Variants in PARP10 observed in about 807,000 individuals in gnomAD.
PARP10 encodes protein mono-ADP-ribosyltransferase PARP10.
Under a neutral mutation model 82.4 loss-of-function variants are expected in PARP10, and 56 were observed. The ratio of observed to expected loss-of-function variants is 0.68; its 90% CI spans 0.55 to 0.85. PARP10 has a LOEUF of 0.85. Ranked by LOEUF, PARP10 falls within the 40% of genes least tolerant of loss-of-function variation. The probability of loss-of-function intolerance (pLI) is 0.00; values close to 1 mark genes in which losing one functional copy is unlikely to be tolerated. For synonymous variants in PARP10, 576 were observed against 601.1 expected, an observed-to-expected ratio of 0.96 and a Z score of 0.61; for missense variants, 1,227 against 1,379.4, an observed-to-expected ratio of 0.89 and a Z score of 1.75.
rs73715599 is a variant in PARP10, at chr8:143,986,240, C to A, written c.3-7G>T. 9.0e-5 allele frequency: 145 copies of A among 1,613,818 alleles called. No individual in the cohort carries two copies. Among genetic ancestry groups the A allele is most frequent in the Non-Finnish European group, 5.0e-5 (59 of 1,179,868 alleles). On this transcript the variant is annotated splice_region_variant and splice_polypyrimidine_tract_variant and intron_variant, in intron 1 of 10. Transcript: ENST00000313028. ...TGCCTCCGCCATTGCAACCCTGGGA[C>A]GGGGCATCAGGTGGGTAGGGAAACA...
chr8:143,991,014 C>T (rs1587466546), upstream of PARP10: 1 of 415,566 alleles, frequency 2.4e-6, no homozygotes, highest in Non-Finnish European at 4.3e-6. Context: ...CCCCACGGCG[C>T]CGCCCGTCCG....
chr8:143,991,634 C>T (rs782588474), upstream of PARP10: 20 of 1,557,384 alleles, frequency 1.3e-5, no homozygotes, highest in South Asian at 4.4e-5. Context: ...GTGGGGTGGC[C>T]GGGAGGGCAG....
chr8:144,004,693 A>T (rs782378706), intron 1 of PARP10, among the ~76,000 whole-genome samples: 1 of 152,106 alleles, frequency 6.6e-6, no homozygotes, highest in Non-Finnish European at 1.5e-5. Flanking sequence ...GGTTGGGGAG[A>T]GGACCAACTC....
intron 6 of PARP10, 46 bp downstream of exon 6, chr8:143,984,164 C>T (rs782749524): frequency 1.3e-6 from 2 of 1,579,810 alleles, no homozygotes; most frequent in Admixed American, 3.4e-5. Context: ...AGGCCTGGGG[C>T]AGAGGCGTGA....
upstream of PARP10, chr8:143,991,965 C>T (rs782307601): frequency 3.1e-6 from 5 of 1,613,664 alleles, no homozygotes; most frequent in South Asian, 2.2e-5. Flanking sequence ...GGGCTTTGTC[C>T]GGGAGAATGT....
At chr8:144,005,979 G>A (rs1217718664) in intron 1 of PARP10, among the ~76,000 whole-genome samples, 3 of 152,152 alleles carry the variant, frequency 2.0e-5, no homozygotes, top group Admixed American at 2.0e-4. Context: ...TGTTCTCCCC[G>A]CACTGGTAAG....
rs782543074 is a variant in PARP10, at chr8:143,977,828, T to C, written c.2734A>G (p.Thr912Ala). The C allele has an allele frequency of 1.3e-6, 2 of 1,598,576 alleles. No homozygotes were observed. Among genetic ancestry groups the C allele is most frequent in the Non-Finnish European group, 8.5e-7 (1 of 1,172,850 alleles). The change falls in exon 11 of 11, where the codon ACG becomes GCG. Residue 912 changes from threonine (T) to alanine (A), a missense_variant and splice_region_variant. Coordinates refer to ENST00000313028, the MANE Select transcript of PARP10 (RefSeq NM_032789.5). Reference protein sequence around the residue: ...FNRSFCGRNATVYGKGVYFAR... With the variant: ...FNRSFCGRNAAVYGKGVYFAR... ...AAATACACGCCCTTCCCGTAGACCGTGGCTGCAGGGCGAGACGGGGCAAGG... is the reference window on the plus strand; with the variant it reads ...AAATACACGCCCTTCCCGTAGACCGCGGCTGCAGGGCGAGACGGGGCAAGG...
At position 143,984,922 on chromosome 8, in the gene PARP10, C is replaced by A. The variant is rs904010008; in HGVS notation, c.1080G>T (p.Glu360Asp). Reference sequence around the variant, plus strand: ...CCACAGGCCTCAGGCTTACCAGCCCCTCATGTTCCAGAGACCCCATGGGCA... The same window carrying A: ...CCACAGGCCTCAGGCTTACCAGCCCATCATGTTCCAGAGACCCCATGGGCA... Reference protein sequence around the residue: ...SSMPMGSLEHEGLVSLRPVGL... With the variant: ...SSMPMGSLEHDGLVSLRPVGL... Residue 360 changes from glutamate to aspartate, a missense_variant, in exon 5 of 11, where the codon GAG becomes GAT. Glu to Asp is a conservative substitution (Grantham distance 45). Coordinates refer to ENST00000313028, the MANE Select transcript of PARP10 (RefSeq NM_032789.5). 1 of 1,614,030 alleles carries A rather than the reference C, an allele frequency of 6.2e-7. No homozygotes were observed. Among genetic ancestry groups the A allele is most frequent in the Non-Finnish European group, 8.5e-7 (1 of 1,180,028 alleles).
chr8:144,001,890 G>C, intron 1 of PARP10, among the ~76,000 whole-genome samples: 1 of 151,716 alleles, frequency 6.6e-6, no homozygotes, highest in Admixed American at 6.6e-5. Context: ...GTGTGTGTGT[G>C]TGTGTGTGTG....
chr8:143,985,925 G>C lies in PARP10; in HGVS notation c.232C>G (p.Leu78Val). ...CGTGGTGGAGCTGGCCGCAGGCTCA[G>C]CTGGGCACCATGTAGTTCGTGATCT... ...QADHELHGAQ[L>V]SLRPAPPRAP... Residue 78 changes from leucine (L) to valine (V), a missense_variant, in exon 3 of 11, where the codon CTG (leucine) becomes GTG (valine). Coordinates refer to ENST00000313028, the MANE Select transcript of PARP10 (RefSeq NM_032789.5). 1 of 1,580,422 alleles carries C rather than the reference G, an allele frequency of 6.3e-7. No homozygotes were observed. The highest frequency in any genetic ancestry group is 1.1e-5 in the South Asian group (1 of 87,490).
At chr8:143,988,433 A>G (rs1834038289), upstream of PARP10, among the ~76,000 whole-genome samples, 1 of 146,762 alleles carries the variant, frequency 6.8e-6, no homozygotes, top group African/African-American at 2.5e-5. Context: ...TACTGGTGCC[A>G]GCCACCATAC....
intron 5 of PARP10, 25 bp from the exon 6 acceptor site, chr8:143,984,456 G>A: frequency 6.3e-7 from 1 of 1,598,790 alleles, no homozygotes; most frequent in South Asian, 1.1e-5. Context: ...CAGAGATGGA[G>A]TTTGCAGGTT....
chr8:143,985,039 T>C lies in PARP10; in HGVS notation c.963A>G (p.Thr321=). 1.2e-6 allele frequency: 2 copies of C among 1,613,868 alleles called. No individual in the cohort carries two copies. The highest frequency in any genetic ancestry group is 2.2e-5 in the South Asian group (2 of 91,082). Residue 321 remains threonine (T), a synonymous_variant, in exon 5 of 11, where the codon ACA becomes ACG. Coordinates refer to ENST00000313028, the MANE Select transcript of PARP10 (RefSeq NM_032789.5). The part of the protein sequence containing the change: ...GPMVQGRGIM[T]TGSGQEPGQS... ...GCCCTGGTTCCTGGCCAGAGCCTGT[T>C]GTCATAATCCCTCTACCCTGCACCA...
chr8:143,983,906 G>A, intron 7 of PARP10, 95 bp from the exon 8 acceptor site: 1 of 1,491,564 alleles, frequency 6.7e-7, no homozygotes, highest in Non-Finnish European at 9.0e-7. Flanking sequence ...GTACAGGGTG[G>A]GCCTAAGATG....
At chr8:143,991,646 G>C, upstream of PARP10, 1 of 1,592,386 alleles carries the variant, frequency 6.3e-7, no homozygotes. Context: ...GGAGGGCAGG[G>C]GGAGGTGCTT....
rs1257470949 is a variant in PARP10, at chr8:144,011,037, G to GTCTAATAGACA, written c.-80+1492_-80+1493insTGTCTATTAGA. Among the ~76,000 whole-genome samples the GTCTAATAGACA allele has an allele frequency of 1.7e-4, 26 of 151,616 alleles. No individual in the cohort carries two copies. Among genetic ancestry groups the GTCTAATAGACA allele is most frequent in the Non-Finnish European group, 1.2e-4 (8 of 67,940 alleles). ...TAGCTATTAATCACGTCTATTAGAC[G>GTCTAATAGACA]TCTAATAGACGTGATTAATAGCTAC... On this transcript the variant is annotated intron_variant, in intron 1 of 3. Transcript: ENST00000530478. This position sits in a 1 kb window ranked among gnomAD's most constrained non-coding sequence, Gnocchi z 4.5.
At chr8:143,991,276 A>G (rs1371958965), upstream of PARP10, 5 of 1,529,822 alleles carry the variant, frequency 3.3e-6, no homozygotes, top group Admixed American at 1.9e-5. Flanking sequence ...CCTCCCCCCA[A>G]CCCTGGATAT....
chr8:144,000,813 G>A (rs1554751646), intron 1 of PARP10, among the ~76,000 whole-genome samples: 1 of 151,914 alleles, frequency 6.6e-6, no homozygotes, highest in Admixed American at 6.6e-5. Flanking sequence ...GTAATACCAG[G>A]CCAAGACAGG....
At chr8:143,996,627 G>A (rs1439069624) in intron 1 of PARP10, among the ~76,000 whole-genome samples, 2 of 152,304 alleles carry the variant, frequency 1.3e-5, no homozygotes, top group Non-Finnish European at 2.9e-5. Flanking sequence ...TGAAAGGAAG[G>A]AATGACCTTT....
Sources: allele counts gnomAD v4.1 joint callset (sites outside exome capture counted in the v4.1 genomes callset), GRCh38; gene constraint gnomAD v4.1.1; non-coding constraint Gnocchi (gnomAD v3.1); transcripts MANE v1.5; gene names NCBI Gene and HGNC (gene_info 2026-07-23, HGNC 2026-07-21).